Variants in ARHGEF18 observed in about 807,000 individuals in gnomAD.
ARHGEF18 encodes Rho/Rac guanine nucleotide exchange factor 18.
A neutral mutation model predicts 155.7 loss-of-function variants in ARHGEF18; 93 were observed. The ratio of observed to expected loss-of-function variants is 0.60; its 90% confidence interval spans 0.50 to 0.71. The LOEUF is 0.71. Among genes scored for constraint, ARHGEF18 ranks in the 30% least tolerant of loss-of-function variants. The pLI is 0.00. For missense variants in ARHGEF18, 1,593 were observed against 1,816.1 expected, an observed-to-expected ratio of 0.88 and a Z score of 2.23; for synonymous variants, 742 against 753.1, an observed-to-expected ratio of 0.99 and a Z score of 0.24.
chr19:7,362,803 C>T lies in ARHGEF18; in HGVS notation c.-88C>T, dbSNP rs1568265910. On this transcript the variant is annotated 5_prime_UTR_variant, in exon 2 of 29. Transcript: ENST00000668164. The stretch of plus-strand genomic sequence containing the variant: ...CAGGCTCTGAGCCCAAGTCATGTGT[C>T]CAGCCTTTTGACTCTGGAGCTGTGG... 1 of 1,234,264 alleles carries T rather than the reference C, an allele frequency of 8.1e-7. No individual in the cohort carries two copies. The highest frequency in any genetic ancestry group is 1.0e-6 in the Non-Finnish European group (1 of 988,158). The allele number at this position is 1,234,264 out of a possible 1,614,324, so 76.5% of individuals were successfully genotyped here.
intron 10 of ARHGEF18, among the ~76,000 whole-genome samples, chr19:7,424,058 A>G (rs752876464): frequency 4.5e-4 from 53 of 116,910 alleles, no homozygotes; most frequent in Middle Eastern, 0.011. Flanking sequence ...GAGTTTTGCT[A>G]TTTTTGCCCA....
At chr19:7,362,297 AAGG>A (rs1314466524) in intron 1 of ARHGEF18, among the ~76,000 whole-genome samples, 1 of 149,894 alleles carries the variant, frequency 6.7e-6, no homozygotes, top group Non-Finnish European at 1.5e-5. Flanking sequence ...GAGGAGGAAG[AAGG>A]AGAAGGAGGA....
intron 1 of ARHGEF18, among the ~76,000 whole-genome samples, chr19:7,351,001 A>G (rs1487426769): frequency 1.3e-5 from 2 of 152,008 alleles, no homozygotes; most frequent in Admixed American, 6.6e-5. Context: ...ACAGGGTTTC[A>G]CCATATTGGT....
chr19:7,405,488 G>T (rs1203610082), intron 10 of ARHGEF18, among the ~76,000 whole-genome samples: 1 of 152,154 alleles, frequency 6.6e-6, no homozygotes, highest in Non-Finnish European at 1.5e-5. Context: ...TCTGCCCCAG[G>T]CTCTCTTTCC....
intron 10 of ARHGEF18, among the ~76,000 whole-genome samples, chr19:7,428,323 C>T (rs376926744): frequency 2.0e-5 from 3 of 152,268 alleles, no homozygotes; most frequent in South Asian, 2.1e-4. Context: ...TCGGGCCAGG[C>T]GCCCACTTGC....
intron 2 of ARHGEF18, among the ~76,000 whole-genome samples, chr19:7,369,669 C>T (rs1362444777): frequency 1.3e-5 from 2 of 148,902 alleles, no homozygotes; most frequent in South Asian, 2.1e-4. Flanking sequence ...TTGTGGCAGG[C>T]GCCTGTAATT....
intron 10 of ARHGEF18, among the ~76,000 whole-genome samples, chr19:7,416,534 T>C (rs1973020011): frequency 1.0e-5 from 1 of 99,196 alleles, no homozygotes; most frequent in African/African-American, 6.6e-5. Flanking sequence ...AAAATTCGTG[T>C]GTGTGTGTGT....
At chr19:7,362,337 G>GGAGGAGGAGGAA (rs1555698236) in intron 1 of ARHGEF18, among the ~76,000 whole-genome samples, 1 of 130,174 alleles carries the variant, frequency 7.7e-6, no homozygotes, top group African/African-American at 4.3e-5. Flanking sequence ...TGGAGGAGGA[G>GGAGGAGGAGGAA]GAGGAAGAGG....
At chr19:7,381,152 C>T (rs181853911) in intron 8 of ARHGEF18, among the ~76,000 whole-genome samples, 158 bp downstream of exon 8, 3 of 152,012 alleles carry the variant, frequency 2.0e-5, no homozygotes, top group South Asian at 2.1e-4. Flanking sequence ...ATGAGGCTCC[C>T]GTATACCCTG....
chr19:7,465,628 C>T (rs1194289597), intron 23 of ARHGEF18, among the ~76,000 whole-genome samples: 1 of 152,090 alleles, frequency 6.6e-6, no homozygotes, highest in Non-Finnish European at 1.5e-5. Flanking sequence ...AGGCTGGTTT[C>T]CAACTCCTGG....
At chr19:7,446,972 G>C (rs1353631320) in intron 14 of ARHGEF18, 71 bp from the exon 15 acceptor site, 1 of 1,544,676 alleles carries the variant, frequency 6.5e-7, no homozygotes, top group African/African-American at 1.4e-5. Flanking sequence ...AGCAGACTCA[G>C]ACGAATTAGA....
intron 23 of ARHGEF18, among the ~76,000 whole-genome samples, chr19:7,466,574 G>A (rs1044497043): frequency 6.7e-6 from 1 of 148,736 alleles, no homozygotes; most frequent in Non-Finnish European, 1.5e-5. Context: ...AGGCCGAGGC[G>A]GGCGGATCAC....
chr19:7,414,409 G>T (rs1600354638), intron 10 of ARHGEF18, among the ~76,000 whole-genome samples: 1 of 152,160 alleles, frequency 6.6e-6, no homozygotes, highest in African/African-American at 2.4e-5. Flanking sequence ...AGGCGCGGTG[G>T]CTGATGCCTG....
intron 5 of ARHGEF18, 104 bp downstream of exon 5, chr19:7,376,861 T>A: frequency 1.2e-6 from 1 of 853,718 alleles, no homozygotes; most frequent in Non-Finnish European, 1.6e-6. Context: ...TCCTGGAGGG[T>A]CCCCTTGGTG....
At position 7,468,791 on chromosome 19, in the gene ARHGEF18, C is replaced by T. The variant is rs377687384; in HGVS notation, c.3481-34C>T. On this transcript the variant is annotated intron_variant, in intron 26 of 28. Coordinates refer to ENST00000668164, the MANE Select transcript of ARHGEF18 (RefSeq NM_001367823.1). The stretch of plus-strand genomic sequence containing the variant: ...TCTCCAGAGGCCGCACAGCAGGAAC[C>T]TCACATTGGATGTATCTGCTGTTGT... 6.9e-5 allele frequency: 103 copies of T among 1,498,816 alleles called. 1 individual carries two copies. The African/African-American group carries it at 1.3e-3, about 19-fold the overall frequency. 92.8% of individuals were successfully genotyped at this position (1,498,816 alleles called of 1,614,324 possible).
intron 1 of ARHGEF18, chr19:7,355,529 C>A (rs1048467642): frequency 1.3e-6 from 1 of 765,702 alleles, no homozygotes; most frequent in Non-Finnish European, 1.6e-6. Flanking sequence ...ATCTGGCAGA[C>A]CTTGGAGGCA....
In ARHGEF18 at chr19:7,462,116, A is replaced by C. The variant is rs1600529820; in HGVS notation, c.2453-36A>C. ...GCTCAGATGATTCCAGGGAAGGCCG[A>C]CCCGGCTGACTGCCACCTCCACCAT... On this transcript the variant is annotated intron_variant, in intron 20 of 28. Coordinates refer to ENST00000668164, the MANE Select transcript of ARHGEF18 (RefSeq NM_001367823.1). The surrounding 1 kb of genome is among the most constrained non-coding windows in gnomAD (Gnocchi z 4.4). The C allele has an allele frequency of 6.2e-7, 1 of 1,613,132 alleles. No homozygotes were observed. The highest frequency in any genetic ancestry group is 8.5e-7 in the Non-Finnish European group (1 of 1,179,874).
At chr19:7,475,544 A>AC (rs200126483), downstream of ARHGEF18, among the ~76,000 whole-genome samples, 3 of 149,762 alleles carry the variant, frequency 2.0e-5, no homozygotes, top group African/African-American at 4.9e-5. Context: ...ACACACACAC[A>AC]ACCACACACA....
At chr19:7,478,914 G>A in the ARHGEF18 span, among the ~76,000 whole-genome samples, 15 of 152,140 alleles carry the variant, frequency 9.9e-5, no homozygotes, top group Non-Finnish European at 1.5e-5. Flanking sequence ...TGAGGAAGGG[G>A]CTACCCAGTG....
Sources: allele counts gnomAD v4.1 joint callset (sites outside exome capture counted in the v4.1 genomes callset), GRCh38; gene constraint gnomAD v4.1.1; non-coding constraint Gnocchi (gnomAD v3.1); transcripts MANE v1.5; gene names NCBI Gene and HGNC (gene_info 2026-07-23, HGNC 2026-07-21).